Variants in UBE2K observed in about 807,000 individuals in gnomAD.
UBE2K encodes the protein ubiquitin conjugating enzyme E2 K.
In UBE2K, 6 loss-of-function variants were observed where a neutral mutation model predicts 30.0. That is an observed-to-expected ratio of 0.20 (90% CI 0.11 to 0.39). UBE2K has a LOEUF of 0.39. Ranked by LOEUF, UBE2K falls within the 10% of genes least tolerant of loss-of-function variation. The pLI is 1.00. For synonymous variants in UBE2K, 86 were observed against 83.7 expected (o/e 1.03, Z -0.15); for missense variants, 61 against 241.6 (o/e 0.25, Z 4.96).
rs3839130 is a variant in UBE2K at position 39,779,042 on chromosome 4, A to ACCCCCCCCCCCCCCCCCCCC, written c.*616_*617insCCCCCCCCCCCCCCCCCCCC. On this transcript the variant is annotated 3_prime_UTR_variant, in exon 7 of 7. Transcript: ENST00000261427. ...TGGGACAGTGTCTGATTCCCCCTTC[A>ACCCCCCCCCCCCCCCCCCCC]CCCCCCCCACCCCCGCCTTGCCACA... The ACCCCCCCCCCCCCCCCCCCC allele has an allele frequency of 3.9e-5, 5 of 128,208 alleles. No homozygotes were observed. Among genetic ancestry groups the ACCCCCCCCCCCCCCCCCCCC allele is most frequent in the Admixed American group, 8.7e-5 (1 of 11,470 alleles). 7.9% of individuals were successfully genotyped at this position (128,208 alleles called of 1,614,324 possible). A position where few individuals can be genotyped will look rare whatever the true frequency, so the allele number is the denominator to read the frequency against.
At chr4:39,773,092 AC>A (rs761530767) in intron 4 of UBE2K, among the ~76,000 whole-genome samples, 4 of 152,378 alleles carry the variant, frequency 2.6e-5, no homozygotes, top group Non-Finnish European at 5.9e-5. Flanking sequence ...CCTTATAAAT[AC>A]ATTTAGAATC....
At chr4:39,713,679 A>T (rs550732654) in intron 1 of UBE2K, among the ~76,000 whole-genome samples, 43 of 151,984 alleles carry the variant, frequency 2.8e-4, no homozygotes, top group African/African-American at 9.9e-4. Flanking sequence ...CATCTTGCAA[A>T]ATTGAAACTC....
intron 1 of UBE2K, among the ~76,000 whole-genome samples, chr4:39,716,157 C>T (rs919937787): frequency 3.3e-4 from 51 of 152,278 alleles, no homozygotes; most frequent in Middle Eastern, 3.4e-3. Context: ...ACCTTTCATC[C>T]TCCACTTGTC....
chr4:39,763,057 C>G (rs1422812797), intron 4 of UBE2K, among the ~76,000 whole-genome samples: 2 of 149,294 alleles, frequency 1.3e-5, no homozygotes, highest in Non-Finnish European at 3.0e-5. Flanking sequence ...GCCCTCATGC[C>G]TCAGCCTCCT....
chr4:39,755,747 A>AT lies in UBE2K; in HGVS notation c.299+12dup, dbSNP rs771011469. The stretch of plus-strand genomic sequence containing the variant: ...TATCCTGAAAGATCAATGGTAAGAG[A>AT]TTTTGAATTCACCTTCTCTCCTTCT... On this transcript the variant is annotated intron_variant, in intron 4 of 6. Coordinates refer to ENST00000261427, the MANE Select transcript of UBE2K (RefSeq NM_005339.5). The AT allele has an allele frequency of 1.3e-6, 2 of 1,583,670 alleles. No homozygotes were observed. Among genetic ancestry groups the AT allele is most frequent in the African/African-American group, 2.7e-5 (2 of 73,268 alleles).
intron 1 of UBE2K, among the ~76,000 whole-genome samples, chr4:39,709,678 G>T (rs906489677): frequency 6.6e-6 from 1 of 152,006 alleles, no homozygotes; most frequent in Non-Finnish European, 1.5e-5. Flanking sequence ...GATAAGAGGG[G>T]ATATATTAAT....
At chr4:39,711,222 G>A (rs184681014) in intron 1 of UBE2K, among the ~76,000 whole-genome samples, 42 of 148,268 alleles carry the variant, frequency 2.8e-4, no homozygotes, top group African/African-American at 1.0e-3. Context: ...GAGTGCAGTG[G>A]TGTGATCTCG....
At chr4:39,701,752 T>C (rs1470202753) in intron 1 of UBE2K, among the ~76,000 whole-genome samples, 2 of 151,316 alleles carry the variant, frequency 1.3e-5, no homozygotes, top group Non-Finnish European at 2.9e-5. Context: ...TGAATTTCTT[T>C]CTTTCATGTT....
chr4:39,704,063 C>T (rs1055275606), intron 1 of UBE2K, among the ~76,000 whole-genome samples: 4 of 151,118 alleles, frequency 2.6e-5, no homozygotes, highest in African/African-American at 9.7e-5. Flanking sequence ...AATTTTCTAC[C>T]AAAAATGAAT....
chr4:39,702,226 CTTTTCTTTTTTTTTT>C (rs1718058833), intron 1 of UBE2K, among the ~76,000 whole-genome samples: 1 of 90,824 alleles, frequency 1.1e-5, no homozygotes, highest in Admixed American at 1.4e-4. Flanking sequence ...CTTTTCTTTT[CTTTTCTTTTTTTTTT>C]TTTTTTTTTT....
At chr4:39,743,183 A>G (rs1224928584) in intron 2 of UBE2K, among the ~76,000 whole-genome samples, 1 of 152,266 alleles carries the variant, frequency 6.6e-6, no homozygotes, top group Non-Finnish European at 1.5e-5. Context: ...GAGAGAGTCT[A>G]GAATATACTG....
intron 6 of UBE2K, among the ~76,000 whole-genome samples, chr4:39,778,015 T>C (rs958875942): frequency 9.6e-5 from 14 of 146,340 alleles, no homozygotes; most frequent in African/African-American, 3.3e-4. Context: ...AGAGAATCCC[T>C]TGGGCCCAGG....
intron 4 of UBE2K, among the ~76,000 whole-genome samples, chr4:39,759,708 A>G (rs1711763529): frequency 6.6e-6 from 1 of 152,184 alleles, no homozygotes. Flanking sequence ...ACACATAAAA[A>G]TTTCACTCAG....
Position 39,779,042 on chromosome 4 carries a change from A to ACCCCCCCCC in UBE2K, c.*616_*617insCCCCCCCCC, listed in dbSNP as rs3839130. ...TGGGACAGTGTCTGATTCCCCCTTCACCCCCCCCACCCCCGCCTTGCCACA... is the reference window on the plus strand; with the variant it reads ...TGGGACAGTGTCTGATTCCCCCTTCACCCCCCCCCCCCCCCCCACCCCCGCCTTGCCACA... On this transcript the variant is annotated 3_prime_UTR_variant, in exon 7 of 7. Coordinates refer to ENST00000261427, the MANE Select transcript of UBE2K (RefSeq NM_005339.5). The ACCCCCCCCC allele has an allele frequency of 7.8e-6, 1 of 128,222 alleles. No homozygotes were observed. Among genetic ancestry groups the ACCCCCCCCC allele is most frequent in the Admixed American group, 8.7e-5 (1 of 11,470 alleles). The allele number at this position is 128,222 out of a possible 1,614,324, so 7.9% of individuals were successfully genotyped here. A position where few individuals can be genotyped will look rare whatever the true frequency, so the allele number is the denominator to read the frequency against.
chr4:39,728,823 T>G lies in UBE2K; in HGVS notation c.64-8597T>G, dbSNP rs542770706. Among the ~76,000 whole-genome samples the G allele has an allele frequency of 2.0e-4, 29 of 144,264 alleles. 1 individual carries two copies. In the East Asian group the frequency reaches 5.7e-3, roughly 28 times the overall value. 94.6% of individuals were successfully genotyped at this position (144,264 alleles called of 152,430 possible). ...CCGGCTAGTAGGTTTTTTTTGTTTT[T>G]TTTGTTTTTTTTTTTTTGTATTTTT... On this transcript the variant is annotated intron_variant, in intron 1 of 6. Transcript: ENST00000261427.
At position 39,779,977 on chromosome 4, in the gene UBE2K, A is replaced by G. The variant is rs73145259; in HGVS notation, c.*1543A>G. On this transcript the variant is annotated 3_prime_UTR_variant, in exon 7 of 7. Coordinates refer to ENST00000261427, the MANE Select transcript of UBE2K (RefSeq NM_005339.5). Reference sequence around the variant, plus strand: ...CAATAATCTTGATACTAGAAGCAATAAAAGAACCATTATTAAATATATTGT... The same window carrying G: ...CAATAATCTTGATACTAGAAGCAATGAAAGAACCATTATTAAATATATTGT... The G allele has an allele frequency of 3.3e-5, 5 of 152,292 alleles. No individual in the cohort carries two copies. The highest frequency in any genetic ancestry group is 9.6e-5 in the African/African-American group (4 of 41,584). 9.4% of individuals were successfully genotyped at this position (152,292 alleles called of 1,614,324 possible). A position where few individuals can be genotyped will look rare whatever the true frequency, so the allele number is the denominator to read the frequency against.
Position 39,735,813 on chromosome 4 carries a change from A to AT in UBE2K, c.64-1606dup, listed in dbSNP as rs1486969417. On this transcript the variant is annotated intron_variant, in intron 1 of 6. Coordinates refer to ENST00000261427, the MANE Select transcript of UBE2K (RefSeq NM_005339.5). ...ATTTATAGTTAAATTTAGTTTTTGG[A>AT]TAAAAAATATTTTCAGAAAAATGTA... Among the ~76,000 whole-genome samples the AT allele has an allele frequency of 2.0e-5, 3 of 152,312 alleles. No individual in the cohort carries two copies. The East Asian group carries it at 5.8e-4, about 29-fold the overall frequency.
intron 4 of UBE2K, chr4:39,771,011 G>A: frequency 1.2e-6 from 2 of 1,611,510 alleles, no homozygotes; most frequent in South Asian, 1.1e-5. Flanking sequence ...CTGCTCACAA[G>A]GCTAGCCTCA....
chr4:39,762,544 G>C (rs901887974), intron 4 of UBE2K, among the ~76,000 whole-genome samples: 2 of 152,210 alleles, frequency 1.3e-5, no homozygotes, highest in African/African-American at 4.8e-5. Flanking sequence ...GGGAGCTTAT[G>C]ATCACAGCAG....
Sources: gnomAD v4.1 joint callset for allele counts (sites outside exome capture counted in the v4.1 genomes callset) on GRCh38, gnomAD v4.1.1 for gene constraint, MANE v1.5 for transcripts, NCBI Gene and HGNC (gene_info 2026-07-23, HGNC 2026-07-21) for gene names.